Variants in ZDHHC11B observed in about 807,000 individuals in gnomAD.
ZDHHC11B encodes the protein zDHHC palmitoyltransferase 11B (putative), also known as probable palmitoyltransferase ZDHHC11B.
ZDHHC11B carries 17 observed loss-of-function variants against 42.3 expected under a neutral mutation model. The ratio of observed to expected loss-of-function variants is 0.40; its 90% CI spans 0.27 to 0.60. The LOEUF is 0.60. Among genes scored for constraint, ZDHHC11B ranks in the 20% least tolerant of loss-of-function variants. The probability of loss-of-function intolerance (pLI) is 0.41; values close to 1 mark genes in which losing one functional copy is unlikely to be tolerated. For missense variants in ZDHHC11B, 262 were observed against 463.2 expected (o/e 0.57, Z 3.99); for synonymous variants, 123 against 193.5 (o/e 0.64, Z 3.02).
At position 784,697 on chromosome 5, in the gene ZDHHC11B, T is replaced by C. The variant is rs1257905358; in HGVS notation, c.-259A>G. ...GAGACGCAGCAACTGCAGCGGAGGC[T>C]CCCCCGCGACCCGGCCGCGCGCGAC... On this transcript the variant is annotated 5_prime_UTR_variant, in exon 1 of 14. Transcript: ENST00000508859. Among the ~76,000 whole-genome samples, 2 of 143,904 alleles carry C rather than the reference T, an allele frequency of 1.4e-5. No homozygotes were observed. The highest frequency in any genetic ancestry group is 3.0e-5 in the Non-Finnish European group (2 of 65,646). 94.4% of individuals were successfully genotyped at this position (143,904 alleles called of 152,430 possible).
chr5:779,418 C>T (rs1173915216), intron 1 of ZDHHC11B, among the ~76,000 whole-genome samples: 3 of 149,760 alleles, frequency 2.0e-5, no homozygotes, highest in African/African-American at 7.4e-5. Flanking sequence ...TTGAGGCCCT[C>T]AGGTGGCACT....
chr5:772,904 A>G (rs1366665667), intron 1 of ZDHHC11B, among the ~76,000 whole-genome samples: 1 of 151,916 alleles, frequency 6.6e-6, no homozygotes, highest in Non-Finnish European at 1.5e-5. Context: ...TACCTCAAAC[A>G]TGTATTAGTT....
At chr5:742,005 A>G (rs1276595628) in intron 9 of ZDHHC11B, among the ~76,000 whole-genome samples, 15 of 134,680 alleles carry the variant, frequency 1.1e-4, no homozygotes, top group Non-Finnish European at 1.6e-4. Flanking sequence ...GGTGTGTGGT[A>G]GTATCTGATT....
intron 8 of ZDHHC11B, among the ~76,000 whole-genome samples, chr5:745,893 G>T (rs1579321005): frequency 6.7e-6 from 1 of 149,788 alleles, no homozygotes; most frequent in East Asian, 2.1e-4. Flanking sequence ...CCAGGCCCAG[G>T]AGGTGAACAC....
chr5:761,399 G>T (rs1234651774), intron 4 of ZDHHC11B, among the ~76,000 whole-genome samples: 1 of 151,838 alleles, frequency 6.6e-6, no homozygotes, highest in African/African-American at 2.4e-5. Context: ...AGGCCATCTA[G>T]GACCCAGGCT....
At chr5:717,366 A>G (rs1444901214) in intron 12 of ZDHHC11B, among the ~76,000 whole-genome samples, 16 of 151,640 alleles carry the variant, frequency 1.1e-4, no homozygotes, top group African/African-American at 3.9e-4. Flanking sequence ...TTGATTGTTT[A>G]TGTGTGCTGG....
At chr5:725,087 G>C (rs1404900717) in intron 12 of ZDHHC11B, among the ~76,000 whole-genome samples, 3 of 151,446 alleles carry the variant, frequency 2.0e-5, no homozygotes, top group South Asian at 4.2e-4. Context: ...GGAGCCTTTG[G>C]TGTCAGCTCC....
At chr5:767,109 C>T (rs1349296183) in intron 3 of ZDHHC11B, among the ~76,000 whole-genome samples, 190 bp from the exon 4 acceptor site, 1 of 151,924 alleles carries the variant, frequency 6.6e-6, no homozygotes, top group African/African-American at 2.4e-5. Flanking sequence ...CGGTGCAGGG[C>T]CCTGTCCAGG....
rs1323598519 is a variant in ZDHHC11B, at chr5:784,654, C to A, written c.-230+14G>T. Among the ~76,000 whole-genome samples, 1 of 151,090 alleles carries A rather than the reference C, an allele frequency of 6.6e-6. No homozygotes were observed. The highest frequency in any genetic ancestry group is 1.5e-5 in the Non-Finnish European group (1 of 67,542). ...CGCGCCGCGCCCGCAGGACCGAGCCCCGCGCCCGCTTACCTTGGAGACGCA... is the reference window on the plus strand; with the variant it reads ...CGCGCCGCGCCCGCAGGACCGAGCCACGCGCCCGCTTACCTTGGAGACGCA... On this transcript the variant is annotated intron_variant, in intron 1 of 13. Transcript: ENST00000508859.
At chr5:751,411 T>C (rs865966807) in intron 6 of ZDHHC11B, among the ~76,000 whole-genome samples, 154 bp from the exon 7 acceptor site, 1,603 of 36,382 alleles carry the variant, frequency 0.044, 26 homozygotes, top group Middle Eastern at 0.12. Flanking sequence ...CAAGGGCAGG[T>C]GTGGGACAGG....
At chr5:716,959 C>T (rs1191020240) in intron 12 of ZDHHC11B, 94 bp from the exon 13 acceptor site, 188 of 1,572,632 alleles carry the variant, frequency 1.2e-4, no homozygotes, top group Middle Eastern at 3.3e-4. Context: ...AACAAGAGTA[C>T]ATTTTAGAGA....
intron 12 of ZDHHC11B, among the ~76,000 whole-genome samples, chr5:728,522 G>A (rs1198264621): frequency 6.6e-6 from 1 of 151,912 alleles, no homozygotes; most frequent in Non-Finnish European, 1.5e-5. Context: ...CATCATGAGA[G>A]GGTGAATTTC....
intron 6 of ZDHHC11B, among the ~76,000 whole-genome samples, chr5:753,727 G>A (rs1746106438): frequency 1.3e-5 from 2 of 148,446 alleles, no homozygotes; most frequent in Non-Finnish European, 3.0e-5. Flanking sequence ...TCGCTGTGCG[G>A]TCATGCAACC....
intron 1 of ZDHHC11B, among the ~76,000 whole-genome samples, chr5:771,610 TC>T (rs1736055646): frequency 6.6e-6 from 1 of 151,726 alleles, no homozygotes; most frequent in African/African-American, 2.4e-5. Flanking sequence ...TGACAACATT[TC>T]TTTGAAACAG....
At chr5:783,838 C>T (rs1168951351) in intron 1 of ZDHHC11B, among the ~76,000 whole-genome samples, 3 of 140,680 alleles carry the variant, frequency 2.1e-5, no homozygotes, top group African/African-American at 5.3e-5. Context: ...CCTCCCAAAC[C>T]CCATCAAAAC....
intron 12 of ZDHHC11B, among the ~76,000 whole-genome samples, chr5:723,587 G>T (rs1407407047): frequency 9.0e-6 from 1 of 110,964 alleles, no homozygotes; most frequent in Admixed American, 8.4e-5. Context: ...GGATGCCTCT[G>T]GGGGTATCAG....
intron 12 of ZDHHC11B, among the ~76,000 whole-genome samples, chr5:725,045 A>G (rs1413449174): frequency 2.0e-5 from 3 of 150,682 alleles, no homozygotes; most frequent in Non-Finnish European, 4.4e-5. Context: ...CACAGGCTGA[A>G]GTCCTAACCC....
intron 1 of ZDHHC11B, among the ~76,000 whole-genome samples, chr5:778,508 C>T (rs1472746849): frequency 6.6e-6 from 1 of 151,226 alleles, no homozygotes; most frequent in African/African-American, 2.4e-5. Flanking sequence ...CCTCATCCAG[C>T]GCAGCTTCAC....
chr5:778,753 G>T (rs1736746437), intron 1 of ZDHHC11B, among the ~76,000 whole-genome samples: 3 of 151,978 alleles, frequency 2.0e-5, no homozygotes, highest in Admixed American at 1.3e-4. Flanking sequence ...AAATCCAATG[G>T]TGAGTGTCTC....
Sources: gnomAD v4.1 joint callset for allele counts (sites outside exome capture counted in the v4.1 genomes callset) on GRCh38, gnomAD v4.1.1 for gene constraint, MANE v1.5 for transcripts, NCBI Gene and HGNC (gene_info 2026-07-23, HGNC 2026-07-21) for gene names.